TRA2A: variants seen among roughly 807,000 people sequenced by gnomAD.
TRA2A encodes the protein transformer-2 protein homolog alpha.
Under a neutral mutation model 45.7 loss-of-function variants are expected in TRA2A, and 31 were observed. That is an observed-to-expected ratio of 0.68 (90% CI 0.51 to 0.92). The LOEUF is 0.92. TRA2A is among the 40% of genes least tolerant of loss of function. The pLI is 0.00. For synonymous variants in TRA2A, 132 were observed against 126.2 expected, an observed-to-expected ratio of 1.05 and a Z score of -0.31; for missense variants, 304 against 367.5, an observed-to-expected ratio of 0.83 and a Z score of 1.41.
intron 4 of TRA2A, 146 bp downstream of exon 4, chr7:23,512,748 G>A (rs1253621466): frequency 9.4e-6 from 6 of 636,872 alleles, no homozygotes; most frequent in Admixed American, 7.3e-5. Flanking sequence ...ATGAGCCACC[G>A]CGCCTGGACG....
At chr7:23,522,076 T>A (rs531132433) in intron 1 of TRA2A, 1 of 1,353,408 alleles carries the variant, frequency 7.4e-7, no homozygotes, top group Admixed American at 3.1e-5. Context: ...ATCATGCAAA[T>A]TCATCTACAA....
At chr7:23,523,644 T>A (rs1790225353) in intron 1 of TRA2A, among the ~76,000 whole-genome samples, 1 of 152,216 alleles carries the variant, frequency 6.6e-6, no homozygotes, top group South Asian at 2.1e-4. Context: ...ACAGCTACCT[T>A]TCAGCTCAAT....
intron 2 of TRA2A, among the ~76,000 whole-genome samples, chr7:23,517,210 C>T (rs753209803): frequency 2.0e-5 from 3 of 151,724 alleles, no homozygotes; most frequent in African/African-American, 2.4e-5. Context: ...GGGCCGGGCA[C>T]GGTGGCTCAT....
intron 2 of TRA2A, among the ~76,000 whole-genome samples, chr7:23,517,965 A>G (rs893504867): frequency 8.7e-5 from 13 of 149,714 alleles, no homozygotes; most frequent in South Asian, 2.2e-4. Context: ...CTTTCTCCAT[A>G]TAGTTCTTTG....
intron 7 of TRA2A, 32 bp downstream of exon 7, chr7:23,505,714 T>C: frequency 6.9e-7 from 1 of 1,451,722 alleles, no homozygotes; most frequent in Non-Finnish European, 9.3e-7. Flanking sequence ...AGAAATGAGG[T>C]TTTTTATGCT....
At chr7:23,518,120 G>A (rs1789970569) in intron 2 of TRA2A, among the ~76,000 whole-genome samples, 1 of 151,744 alleles carries the variant, frequency 6.6e-6, no homozygotes, top group African/African-American at 2.4e-5. Flanking sequence ...TATATTTTCT[G>A]TAGTGACAGG....
At chr7:23,524,664 G>C (rs1417448204) in intron 1 of TRA2A, among the ~76,000 whole-genome samples, 2 of 150,094 alleles carry the variant, frequency 1.3e-5, no homozygotes, top group African/African-American at 2.5e-5. Flanking sequence ...CTAACTCCTA[G>C]CTACAAAGTT....
At chr7:23,526,153 G>C (rs941190332) in intron 1 of TRA2A, among the ~76,000 whole-genome samples, 3 of 152,112 alleles carry the variant, frequency 2.0e-5, no homozygotes, top group African/African-American at 7.2e-5. Flanking sequence ...TGCGGAACAT[G>C]AACAATTCCT....
chr7:23,505,576 GAGAAAAAGCAAA>G lies in TRA2A; in HGVS notation c.839-19_839-8del. On this transcript the variant is annotated splice_polypyrimidine_tract_variant and splice_region_variant and intron_variant, in intron 7 of 7. Coordinates refer to ENST00000297071, the MANE Select transcript of TRA2A (RefSeq NM_013293.5). Reference sequence around the variant, plus strand: ...TTCCGTTATCAATAGCGTCCTAAAAGAGAAAAAGCAAAAAAAAAAAAAAAAAAAAAAAGTTAA... The same window carrying G: ...TTCCGTTATCAATAGCGTCCTAAAAGAAAAAAAAAAAAAAAAAAAAGTTAA... 1 of 256,726 alleles carries G rather than the reference GAGAAAAAGCAAA, an allele frequency of 3.9e-6. No homozygotes were observed. The highest frequency in any genetic ancestry group is 6.7e-5 in the South Asian group (1 of 15,004). The allele number at this position is 256,726 out of a possible 1,614,324, so 15.9% of individuals were successfully genotyped here. A position where few individuals can be genotyped will look rare whatever the true frequency, so the allele number is the denominator to read the frequency against.
At chr7:23,509,107 G>C (rs984357249) in intron 4 of TRA2A, among the ~76,000 whole-genome samples, 1 of 152,104 alleles carries the variant, frequency 6.6e-6, no homozygotes, top group Non-Finnish European at 1.5e-5. Context: ...AAAGTGCTGG[G>C]ATTAGAGGCA....
intron 1 of TRA2A, among the ~76,000 whole-genome samples, chr7:23,527,284 T>C (rs1190415329): frequency 6.6e-6 from 1 of 152,112 alleles, no homozygotes; most frequent in Non-Finnish European, 1.5e-5. Context: ...TATATAACTA[T>C]ATATATAAGT....
At chr7:23,512,779 A>G in intron 4 of TRA2A, 115 bp downstream of exon 4, 1 of 973,114 alleles carries the variant, frequency 1.0e-6, no homozygotes, top group Non-Finnish European at 1.4e-6. Flanking sequence ...TCTTTAAAAA[A>G]AAAAAAAAGA....
At chr7:23,519,721 A>G (rs1295812142) in intron 2 of TRA2A, among the ~76,000 whole-genome samples, 2 of 152,196 alleles carry the variant, frequency 1.3e-5, no homozygotes, top group Non-Finnish European at 2.9e-5. Context: ...GCACGATTTT[A>G]CAAAGTGAGG....
At chr7:23,514,622 C>T (rs925726402) in intron 3 of TRA2A, among the ~76,000 whole-genome samples, 12 of 151,798 alleles carry the variant, frequency 7.9e-5, no homozygotes, top group African/African-American at 2.7e-4. Flanking sequence ...TGAGACAGGG[C>T]CTCACTCTCT....
chr7:23,518,502 C>A (rs1275697305), intron 2 of TRA2A, among the ~76,000 whole-genome samples: 1 of 151,836 alleles, frequency 6.6e-6, no homozygotes, highest in South Asian at 2.1e-4. Context: ...CCAGCATGCC[C>A]AGCTAATTTT....
chr7:23,517,290 G>A (rs1451676082), intron 2 of TRA2A, among the ~76,000 whole-genome samples: 1 of 146,022 alleles, frequency 6.8e-6, no homozygotes, highest in African/African-American at 2.5e-5. Flanking sequence ...AGACCATCCT[G>A]GCTAACATGG....
chr7:23,528,473 T>A (rs1790431250), intron 1 of TRA2A, among the ~76,000 whole-genome samples: 1 of 152,152 alleles, frequency 6.6e-6, no homozygotes, highest in South Asian at 2.1e-4. Context: ...CCCAAAGCGC[T>A]GGGATTACAG....
chr7:23,509,333 ATAT>A (rs952115826), intron 4 of TRA2A, among the ~76,000 whole-genome samples: 1 of 152,312 alleles, frequency 6.6e-6, no homozygotes, highest in South Asian at 2.1e-4. Context: ...TGAGGAGCTT[ATAT>A]TATTATCTTC....
At chr7:23,516,770 TAAAAAAC>T (rs1789889980) in intron 2 of TRA2A, among the ~76,000 whole-genome samples, 1 of 149,204 alleles carries the variant, frequency 6.7e-6, no homozygotes, top group African/African-American at 2.5e-5. Context: ...CATCTTCTTT[TAAAAAAC>T]AAAAAAAAAA....
Sources: allele counts gnomAD v4.1 joint callset (sites outside exome capture counted in the v4.1 genomes callset), GRCh38; gene constraint gnomAD v4.1.1; transcripts MANE v1.5; gene names NCBI Gene and HGNC (gene_info 2026-07-23, HGNC 2026-07-21).